CLYBL: variants seen among roughly 807,000 people sequenced by gnomAD.
CLYBL encodes the protein citramalyl-CoA lyase.
A neutral mutation model predicts 38.9 loss-of-function variants in CLYBL; 31 were observed. The observed-to-expected ratio is 0.80, with a 90% CI of 0.60 to 1.08. The LOEUF (loss-of-function observed/expected upper bound fraction) is 1.08. Among genes scored for constraint, CLYBL ranks in the 50% least tolerant of loss-of-function variants. The pLI is 0.00. For missense variants in CLYBL, 434 were observed against 411.6 expected, an observed-to-expected ratio of 1.05 and a Z score of -0.47; for synonymous variants, 171 against 158.6, an observed-to-expected ratio of 1.08 and a Z score of -0.59.
In CLYBL at chr13:99,683,933, A is replaced by G. The variant is rs1203507185; in HGVS notation, c.62+77176A>G. ...ACCCAGGCTGGAGAGCAGTGGCACA[A>G]TCTCGGCTCACTGCAAGCTCCACCT... On this transcript the variant is annotated intron_variant, in intron 1 of 8. Coordinates refer to ENST00000339105, the MANE Select transcript of CLYBL (RefSeq NM_206808.5). Among the ~76,000 whole-genome samples the G allele has an allele frequency of 3.3e-5, 5 of 150,320 alleles. No homozygotes were observed. The South Asian group carries it at 8.4e-4, about 25-fold the overall frequency.
intron 1 of CLYBL, among the ~76,000 whole-genome samples, chr13:99,670,532 TTTTAGGA>T (rs2047550351): frequency 6.6e-6 from 1 of 152,234 alleles, no homozygotes; most frequent in South Asian, 2.1e-4. Flanking sequence ...TACTGGCCTG[TTTTAGGA>T]TTTAGAAATC....
chr13:99,795,639 G>GT (rs1455940828), intron 2 of CLYBL, among the ~76,000 whole-genome samples: 4 of 152,130 alleles, frequency 2.6e-5, no homozygotes, highest in Non-Finnish European at 5.9e-5. Flanking sequence ...GGGTGACAGA[G>GT]TGAGAACCTG....
chr13:99,767,360 T>C (rs1260423713), intron 1 of CLYBL, among the ~76,000 whole-genome samples: 1 of 152,238 alleles, frequency 6.6e-6, no homozygotes, highest in East Asian at 1.9e-4. Context: ...AGCTTACTTC[T>C]ATGCCACCAT....
At chr13:99,666,253 C>A (rs947245533) in intron 1 of CLYBL, among the ~76,000 whole-genome samples, 11 of 152,102 alleles carry the variant, frequency 7.2e-5, no homozygotes, top group African/African-American at 2.7e-4. Flanking sequence ...TGGAGGTGAA[C>A]ACTGACATCG....
At chr13:99,752,511 A>G (rs1290488940) in intron 1 of CLYBL, among the ~76,000 whole-genome samples, 2 of 152,148 alleles carry the variant, frequency 1.3e-5, no homozygotes, top group Non-Finnish European at 2.9e-5. Flanking sequence ...GCTGGAGAAT[A>G]GGAAAATGGA....
chr13:99,728,224 A>G (rs962791840), intron 1 of CLYBL, among the ~76,000 whole-genome samples: 2 of 152,052 alleles, frequency 1.3e-5, no homozygotes, highest in East Asian at 1.9e-4. Context: ...CCCTCCCCCA[A>G]TAAATATAAA....
downstream of CLYBL, among the ~76,000 whole-genome samples, chr13:99,898,140 A>T (rs1187617562): frequency 6.6e-6 from 1 of 152,172 alleles, no homozygotes; most frequent in Non-Finnish European, 1.5e-5. Context: ...AAGGGGAGAG[A>T]TTCAGTGACA....
At chr13:99,612,237 G>A (rs2046636735) in intron 1 of CLYBL, among the ~76,000 whole-genome samples, 1 of 151,432 alleles carries the variant, frequency 6.6e-6, no homozygotes, top group South Asian at 2.1e-4. Flanking sequence ...CCATCTTTTT[G>A]TTTTATCGAT....
intron 1 of CLYBL, among the ~76,000 whole-genome samples, chr13:99,749,441 G>A (rs138439959): frequency 9.3e-4 from 142 of 152,220 alleles, no homozygotes; most frequent in African/African-American, 3.1e-3. Context: ...CAGGAGGGCC[G>A]TTCCTTCCCG....
intron 1 of CLYBL, among the ~76,000 whole-genome samples, chr13:99,754,470 A>G (rs1192930200): frequency 6.7e-6 from 1 of 149,068 alleles, no homozygotes; most frequent in Non-Finnish European, 1.5e-5. Context: ...TCTGTTTCCT[A>G]GACTGGTCTT....
rs141487739 is a variant in CLYBL at position 99,815,163 on chromosome 13, C to T, written c.249+42153C>T. Among the ~76,000 whole-genome samples, 770 of 152,246 alleles carry T rather than the reference C, an allele frequency of 5.1e-3. 11 individuals carry two copies. The highest frequency in any genetic ancestry group is 0.017 in the African/African-American group (702 of 41,538). On this transcript the variant is annotated intron_variant, in intron 2 of 8. Coordinates refer to ENST00000339105, the MANE Select transcript of CLYBL (RefSeq NM_206808.5). ...TGTTAATCAGGACAAAGGATCCCTC[C>T]GTGGAACAATTCTGGGGAGCTGCAT... is the stretch of plus-strand genomic sequence containing the variant.
At chr13:99,850,564 G>A (rs535087743) in intron 2 of CLYBL, among the ~76,000 whole-genome samples, 2 of 152,210 alleles carry the variant, frequency 1.3e-5, no homozygotes, top group Non-Finnish European at 2.9e-5. Context: ...GAATCCTGGT[G>A]CATTGCCGAT....
intron 1 of CLYBL, among the ~76,000 whole-genome samples, chr13:99,702,868 A>T (rs977167754): frequency 6.6e-6 from 1 of 152,228 alleles, no homozygotes; most frequent in Non-Finnish European, 1.5e-5. Context: ...GCTCTGCTAC[A>T]TAAGAAGCTG....
intron 1 of CLYBL, among the ~76,000 whole-genome samples, chr13:99,769,940 G>A (rs1332741593): frequency 1.3e-5 from 2 of 152,174 alleles, no homozygotes; most frequent in Non-Finnish European, 2.9e-5. Context: ...CAAAGTATTT[G>A]ATAGTGTTAA....
chr13:99,659,739 T>C (rs1182671876), intron 1 of CLYBL, among the ~76,000 whole-genome samples: 1 of 152,344 alleles, frequency 6.6e-6, no homozygotes. Flanking sequence ...AGGTAGATGA[T>C]ATTTTAAAGG....
Position 99,863,002 on chromosome 13 carries a change from A to AT in CLYBL, c.454dup (p.Ser152PhefsTer10). Reference sequence around the variant, plus strand: ...ACTTCTGATTTTAGTTTGCAGACAAATTTTCATTCCACTTAAAAGGCCGAA... The same window carrying AT: ...ACTTCTGATTTTAGTTTGCAGACAAATTTTTCATTCCACTTAAAAGGCCGAA... On this transcript the variant is annotated frameshift_variant, in exon 4 of 9. Transcript: ENST00000339105. LOFTEE classifies it high-confidence loss of function. 2.5e-6 allele frequency: 4 copies of AT among 1,607,030 alleles called. No homozygotes were observed. The South Asian group carries it at 4.4e-5, about 18-fold the overall frequency.
chr13:99,651,322 C>G (rs1167697588), intron 1 of CLYBL, among the ~76,000 whole-genome samples: 1 of 152,218 alleles, frequency 6.6e-6, no homozygotes, highest in South Asian at 2.1e-4. Context: ...GCCTGTAATC[C>G]CAGCACTTGG....
At chr13:99,734,831 C>T (rs368756668) in intron 1 of CLYBL, among the ~76,000 whole-genome samples, 1 of 152,044 alleles carries the variant, frequency 6.6e-6, no homozygotes. Flanking sequence ...GCTGTTCCCC[C>T]CAAAAGATTT....
At chr13:99,778,439 AT>A (rs1233670886) in intron 2 of CLYBL, among the ~76,000 whole-genome samples, 5 of 152,132 alleles carry the variant, frequency 3.3e-5, no homozygotes, top group African/African-American at 1.2e-4. Flanking sequence ...TTTATATCTC[AT>A]TTTTTTATTA....
Sources: allele counts gnomAD v4.1 joint callset (sites outside exome capture counted in the v4.1 genomes callset), GRCh38; gene constraint gnomAD v4.1.1; transcripts MANE v1.5; gene names NCBI Gene and HGNC (gene_info 2026-07-23, HGNC 2026-07-21).